The following PRRC2C variants were observed in gnomAD, a reference collection of about 807,000 sequenced individuals.
PRRC2C encodes the protein protein PRRC2C.
PRRC2C carries 72 observed loss-of-function variants against 317.2 expected under a neutral mutation model. That is an observed-to-expected ratio of 0.23 (90% CI 0.19 to 0.28). The LOEUF (loss-of-function observed/expected upper bound fraction) is 0.28. Ranked by LOEUF, PRRC2C falls within the 10% of genes least tolerant of loss-of-function variation. The probability of loss-of-function intolerance (pLI) is 1.00; values close to 1 mark genes in which losing one functional copy is unlikely to be tolerated. For synonymous variants in PRRC2C, 1,296 were observed against 1,205.9 expected (o/e 1.07, Z -1.55); for missense variants, 3,074 against 3,459.7 (o/e 0.89, Z 2.80).
chr1:171,580,682 A>G (rs1648365969), intron 28 of PRRC2C, among the ~76,000 whole-genome samples: 1 of 152,186 alleles, frequency 6.6e-6, no homozygotes, highest in South Asian at 2.1e-4. Flanking sequence ...GGTTATACAT[A>G]AAGTGGCAGA....
rs763951991 is a variant in PRRC2C, at chr1:171,584,492, A to G, written c.7715A>G (p.Tyr2572Cys). ...CAACAGCCTGGTCAGACAAATTTTTATAACACTGCCCAGTCACCAAGTGCT... is the reference window on the plus strand; with the variant it reads ...CAACAGCCTGGTCAGACAAATTTTTGTAACACTGCCCAGTCACCAAGTGCT... ...QVQQPGQTNFYNTAQSPSALQ... is the reference protein window; with the variant it reads ...QVQQPGQTNFCNTAQSPSALQ... The change falls in exon 30 of 35, where the codon TAT becomes TGT. Residue 2572 changes from tyrosine to cysteine, a missense_variant. By Grantham distance (194) the Tyr-to-Cys change is radical (BLOSUM62 -2). Coordinates refer to ENST00000647382, the MANE Select transcript of PRRC2C (RefSeq NM_001387844.1). The G allele has an allele frequency of 3.1e-6, 5 of 1,593,686 alleles. No homozygotes were observed. Among genetic ancestry groups the G allele is most frequent in the East Asian group, 2.3e-5 (1 of 44,100 alleles).
chr1:171,584,325 A>C (rs975868299), intron 29 of PRRC2C, 94 bp from the exon 30 acceptor site: 1 of 1,360,520 alleles, frequency 7.4e-7, no homozygotes, highest in Non-Finnish European at 1.0e-6. Flanking sequence ...TAATACTAAA[A>C]ATTGCTAGAC....
At position 171,577,487 on chromosome 1, in the gene PRRC2C, G is replaced by T. The variant is rs765379577; in HGVS notation, c.7009G>T (p.Asp2337Tyr). 2.5e-6 allele frequency: 4 copies of T among 1,613,028 alleles called. No homozygotes were observed. In the South Asian group the frequency reaches 4.4e-5, roughly 18 times the overall value. ...SLSTKSTTTS[D>Y]PPNICKVKPQ... ...GAGCACAAAATCTACAACCACATCGGACCCTCCAAATATTTGTAAAGTGAA... is the reference window on the plus strand; with the variant it reads ...GAGCACAAAATCTACAACCACATCGTACCCTCCAAATATTTGTAAAGTGAA... Residue 2337 changes from aspartate to tyrosine, a missense_variant, in exon 26 of 35, where the codon GAC becomes TAC. Physicochemically the swap from Asp to Tyr is radical, Grantham distance 160. Coordinates refer to ENST00000647382, the MANE Select transcript of PRRC2C (RefSeq NM_001387844.1).
At chr1:171,508,468 T>C (rs914762985) in intron 1 of PRRC2C, among the ~76,000 whole-genome samples, 1 of 151,572 alleles carries the variant, frequency 6.6e-6, no homozygotes, top group Non-Finnish European at 1.5e-5. Context: ...TAAACCAATC[T>C]TGCATTCTAG....
chr1:171,527,504 C>T (rs1462966089), intron 10 of PRRC2C, among the ~76,000 whole-genome samples: 4 of 151,544 alleles, frequency 2.6e-5, no homozygotes, highest in African/African-American at 9.7e-5. Context: ...CATCTGTAAT[C>T]CTAGCACTTT....
At chr1:171,518,694 G>A (rs1672947251) in intron 6 of PRRC2C, among the ~76,000 whole-genome samples, 1 of 137,756 alleles carries the variant, frequency 7.3e-6, no homozygotes, top group African/African-American at 2.7e-5. Context: ...GTAGAGATGG[G>A]GTTTTGCCAT....
At chr1:171,570,448 CT>C in intron 23 of PRRC2C, among the ~76,000 whole-genome samples, 1 of 152,148 alleles carries the variant, frequency 6.6e-6, no homozygotes, top group African/African-American at 2.4e-5. Flanking sequence ...TGCAGGTGGC[CT>C]TTTGGATTAT....
intron 10 of PRRC2C, among the ~76,000 whole-genome samples, chr1:171,526,001 T>G (rs1674499858): frequency 6.6e-6 from 1 of 152,208 alleles, no homozygotes; most frequent in African/African-American, 2.4e-5. Context: ...AAGAAGAATT[T>G]TTTAAATAAC....
intron 14 of PRRC2C, 21 bp from the exon 15 acceptor site, chr1:171,537,242 T>G (rs1351593151): frequency 6.5e-7 from 1 of 1,541,940 alleles, no homozygotes; most frequent in Non-Finnish European, 8.8e-7. Flanking sequence ...CATTTCACCT[T>G]TTTCTGAACT....
chr1:171,505,001 G>A (rs536174632), intron 1 of PRRC2C, among the ~76,000 whole-genome samples: 22 of 150,012 alleles, frequency 1.5e-4, no homozygotes, highest in Non-Finnish European at 3.0e-4. Context: ...CGTATCTTTT[G>A]TCAGATGTAT....
chr1:171,558,219 A>G (rs1340841966), intron 19 of PRRC2C, 76 bp downstream of exon 19: 21 of 1,434,006 alleles, frequency 1.5e-5, no homozygotes, highest in Non-Finnish European at 1.9e-5. Flanking sequence ...TTATTTATAT[A>G]CTCTTTAAGT....
chr1:171,514,947 A>G (rs1299979590), intron 4 of PRRC2C, among the ~76,000 whole-genome samples: 2 of 152,246 alleles, frequency 1.3e-5, no homozygotes, highest in African/African-American at 2.4e-5. Context: ...GTATCCAGCC[A>G]TCGCATAGAT....
At position 171,542,339 on chromosome 1, in the gene PRRC2C, A is replaced by G. The variant is rs1467055427; in HGVS notation, c.4763+110A>G. 1.1e-5 allele frequency: 11 copies of G among 988,866 alleles called. No individual in the cohort carries two copies. In the Admixed American group the frequency reaches 2.1e-4, roughly 19 times the overall value. The allele number at this position is 988,866 out of a possible 1,614,324, so 61.3% of individuals were successfully genotyped here. A position where few individuals can be genotyped will look rare whatever the true frequency, so the allele number is the denominator to read the frequency against. Reference sequence around the variant, plus strand: ...CAGTCTAGATAAAGGACCAAAAAACATTGTTCTTCCCAAATGCTTTATTCT... The same window carrying G: ...CAGTCTAGATAAAGGACCAAAAAACGTTGTTCTTCCCAAATGCTTTATTCT... On this transcript the variant is annotated intron_variant, in intron 16 of 34. Transcript: ENST00000647382.
intron 9 of PRRC2C, among the ~76,000 whole-genome samples, chr1:171,523,994 C>A (rs1327300053): frequency 6.6e-6 from 1 of 151,966 alleles, no homozygotes; most frequent in Non-Finnish European, 1.5e-5. Context: ...CAAGATCATG[C>A]CACTGCACTC....
At chr1:171,497,821 G>A (rs751703748) in intron 1 of PRRC2C, among the ~76,000 whole-genome samples, 1 of 150,626 alleles carries the variant, frequency 6.6e-6, no homozygotes, top group Admixed American at 6.6e-5. Flanking sequence ...GATTTTGGTG[G>A]GGCAGTGGGG....
chr1:171,508,065 A>G (rs552759544), intron 1 of PRRC2C, among the ~76,000 whole-genome samples: 2 of 152,320 alleles, frequency 1.3e-5, no homozygotes, highest in African/African-American at 4.8e-5. Context: ...AGAGTTTTCT[A>G]CTTAAAAGAT....
intron 6 of PRRC2C, among the ~76,000 whole-genome samples, chr1:171,520,978 G>A (rs1281693882): frequency 6.6e-6 from 1 of 151,492 alleles, no homozygotes; most frequent in East Asian, 1.9e-4. Flanking sequence ...TAATTTTTTT[G>A]TATGTTTAGT....
chr1:171,541,446 A>T lies in PRRC2C; in HGVS notation c.3980A>T (p.Asp1327Val). The T allele has an allele frequency of 1.2e-6, 2 of 1,613,926 alleles. No individual in the cohort carries two copies. Among genetic ancestry groups the T allele is most frequent in the Non-Finnish European group, 1.7e-6 (2 of 1,179,852 alleles). The change falls in exon 16 of 35, where the codon GAT becomes GTT. Residue 1327 changes from aspartate to valine, a missense_variant. This residue lies in a region of PRRC2C where 1,320 missense variants were observed against 1,395.7 expected (regional missense o/e 0.95). Transcript: ENST00000647382. This position sits in a 1 kb window ranked among gnomAD's most constrained non-coding sequence, Gnocchi z 4.1. ...NRLLEKPYVR[D>V]DDKAKPGFLP... ...CTGCTAGAAAAGCCTTATGTAAGGG[A>T]TGACGATAAAGCTAAACCAGGCTTT...
intron 1 of PRRC2C, among the ~76,000 whole-genome samples, chr1:171,492,748 T>TTATTTATTTATG (rs1667400177): frequency 6.6e-6 from 1 of 150,382 alleles, no homozygotes. Flanking sequence ...TTTTATTTAT[T>TTATTTATTTATG]TATTTATTTA....
Sources: allele counts gnomAD v4.1 joint callset (sites outside exome capture counted in the v4.1 genomes callset), GRCh38; gene constraint gnomAD v4.1.1; regional missense constraint gnomAD v4.1.1; non-coding constraint Gnocchi (gnomAD v3.1); transcripts MANE v1.5; gene names NCBI Gene and HGNC (gene_info 2026-07-23, HGNC 2026-07-21).